Variants in RABGAP1L observed in about 807,000 individuals in gnomAD.
The protein encoded by RABGAP1L is RAB GTPase activating protein 1 like.
Under a neutral mutation model 137.7 loss-of-function variants are expected in RABGAP1L, and 63 were observed. The ratio of observed to expected loss-of-function variants is 0.46; its 90% confidence interval spans 0.37 to 0.56. RABGAP1L has a LOEUF of 0.56. RABGAP1L is among the 20% of genes least tolerant of loss of function. The pLI, the probability that RABGAP1L is intolerant of heterozygous loss-of-function variation, is 0.00. For synonymous variants in RABGAP1L, 431 were observed against 433.7 expected, an observed-to-expected ratio of 0.99 and a Z score of 0.08; for missense variants, 1,095 against 1,244.0, an observed-to-expected ratio of 0.88 and a Z score of 1.80.
chr1:174,455,156 G>A (rs1238921710), intron 13 of RABGAP1L, among the ~76,000 whole-genome samples: 1 of 152,052 alleles, frequency 6.6e-6, no homozygotes, highest in Non-Finnish European at 1.5e-5. Context: ...TATAGTAAAT[G>A]GAGCCAAATT....
intron 13 of RABGAP1L, chr1:174,547,914 G>A (rs559896755): frequency 5.2e-6 from 8 of 1,549,816 alleles, no homozygotes; most frequent in Non-Finnish European, 7.0e-6. Flanking sequence ...AGGTCTCCAT[G>A]ACACCCTGTA....
In RABGAP1L at chr1:174,980,869, G is replaced by A. The variant is rs572416526; in HGVS notation, c.2734-1965G>A. On this transcript the variant is annotated intron_variant, in intron 23 of 25. Coordinates refer to ENST00000681986, the MANE Select transcript of RABGAP1L (RefSeq NM_001366446.1). ...CAGGTCCCTGAACTAAATAACTAAC[G>A]AAAATAGAGAAAAGGGAGACACAAA... Among the ~76,000 whole-genome samples the A allele has an allele frequency of 1.6e-4, 24 of 150,980 alleles. No individual in the cohort carries two copies. In the East Asian group the frequency reaches 4.3e-3, roughly 27 times the overall value.
chr1:174,655,584 T>C (rs1675904674), intron 14 of RABGAP1L, among the ~76,000 whole-genome samples: 1 of 152,228 alleles, frequency 6.6e-6, no homozygotes, highest in African/African-American at 2.4e-5. Context: ...ACCAGGCTAC[T>C]CCACGATGAA....
chr1:174,891,300 TAG>T (rs1211013251), intron 19 of RABGAP1L, among the ~76,000 whole-genome samples: 4 of 152,088 alleles, frequency 2.6e-5, no homozygotes, highest in Non-Finnish European at 5.9e-5. Flanking sequence ...GGCCAGGAAA[TAG>T]AGAGTGGGAG....
intron 1 of RABGAP1L, among the ~76,000 whole-genome samples, chr1:174,166,197 G>A (rs904776336): frequency 2.6e-5 from 4 of 152,102 alleles, no homozygotes; most frequent in African/African-American, 9.7e-5. Context: ...GTGTTGGAAA[G>A]TGAAAAATAT....
intron 21 of RABGAP1L, 65 bp downstream of exon 21, chr1:174,969,452 G>C: frequency 8.1e-7 from 1 of 1,227,744 alleles, no homozygotes; most frequent in Non-Finnish European, 1.2e-6. Context: ...CCTCATCACC[G>C]CCCCCACAAA....
At chr1:174,422,040 A>G (rs926410005) in intron 13 of RABGAP1L, among the ~76,000 whole-genome samples, 2 of 152,192 alleles carry the variant, frequency 1.3e-5, no homozygotes, top group African/African-American at 2.4e-5. Flanking sequence ...AAGTGCTGGG[A>G]TTACAGGTGT....
At chr1:174,949,551 A>G (rs1158195944) in intron 19 of RABGAP1L, among the ~76,000 whole-genome samples, 1 of 152,168 alleles carries the variant, frequency 6.6e-6, no homozygotes, top group Admixed American at 6.5e-5. Context: ...GAGAAGAACA[A>G]ATTGGGGGTA....
chr1:174,656,227 C>T (rs924072797), intron 14 of RABGAP1L, among the ~76,000 whole-genome samples: 10 of 152,148 alleles, frequency 6.6e-5, no homozygotes, highest in Admixed American at 2.6e-4. Flanking sequence ...GAGGCCACGG[C>T]GGGTGGATGA....
intron 15 of RABGAP1L, among the ~76,000 whole-genome samples, chr1:174,692,902 C>A (rs1045135482): frequency 3.3e-5 from 5 of 152,098 alleles, no homozygotes; most frequent in Non-Finnish European, 7.4e-5. Context: ...TAAAAAAAAT[C>A]TTAGGCATTA....
At chr1:174,280,925 C>A (rs1045567042) in intron 10 of RABGAP1L, among the ~76,000 whole-genome samples, 1 of 151,990 alleles carries the variant, frequency 6.6e-6, no homozygotes, top group African/African-American at 2.4e-5. Flanking sequence ...GGAGTTTCTT[C>A]CTTCTGGTGG....
chr1:174,980,206 A>G (rs1670971899), intron 23 of RABGAP1L, among the ~76,000 whole-genome samples: 1 of 152,162 alleles, frequency 6.6e-6, no homozygotes, highest in Non-Finnish European at 1.5e-5. Context: ...GCTTTAGTTC[A>G]CTAATACATT....
At chr1:174,195,411 A>G (rs1002624033) in intron 1 of RABGAP1L, among the ~76,000 whole-genome samples, 2 of 152,080 alleles carry the variant, frequency 1.3e-5, no homozygotes, top group African/African-American at 4.8e-5. Context: ...TATACTCAAA[A>G]TCTGTACATG....
intron 12 of RABGAP1L, 77 bp from the exon 13 acceptor site, chr1:174,393,918 C>T: frequency 6.7e-7 from 1 of 1,497,318 alleles, no homozygotes; most frequent in Non-Finnish European, 9.1e-7. Context: ...TTTATATAAA[C>T]TAGTATACTT....
chr1:174,986,480 T>C (rs1198696275), intron 24 of RABGAP1L, among the ~76,000 whole-genome samples: 1 of 152,142 alleles, frequency 6.6e-6, no homozygotes. Context: ...AAACTCAGGG[T>C]CTGTTAGTAA....
chr1:174,274,977 T>G (rs1465818162), intron 8 of RABGAP1L: 1 of 152,206 alleles, frequency 6.6e-6, no homozygotes, highest in Non-Finnish European at 1.5e-5. Flanking sequence ...GTAGATACTG[T>G]TCATTTGCAT....
At chr1:174,987,870 C>T (rs570794970) in intron 24 of RABGAP1L, among the ~76,000 whole-genome samples, 20 of 152,166 alleles carry the variant, frequency 1.3e-4, no homozygotes, top group Non-Finnish European at 2.1e-4. Context: ...AGTGCAGTGG[C>T]GCGATCTCGG....
At chr1:174,375,156 C>A (rs1174317263) in intron 12 of RABGAP1L, among the ~76,000 whole-genome samples, 2 of 151,978 alleles carry the variant, frequency 1.3e-5, no homozygotes, top group African/African-American at 4.8e-5. Flanking sequence ...TTCTACATGG[C>A]AGTTAATATT....
At chr1:174,488,896 C>T (rs182326180) in intron 13 of RABGAP1L, among the ~76,000 whole-genome samples, 1,645 of 146,820 alleles carry the variant, frequency 0.011, 43 homozygotes, top group African/African-American at 0.04. Flanking sequence ...GGTATTTCTC[C>T]TAATGCTATC....
Sources: gnomAD v4.1 joint callset for allele counts (sites outside exome capture counted in the v4.1 genomes callset) on GRCh38, gnomAD v4.1.1 for gene constraint, MANE v1.5 for transcripts, NCBI Gene and HGNC (gene_info 2026-07-23, HGNC 2026-07-21) for gene names.